BAG4: variants seen among roughly 807,000 people sequenced by gnomAD.
The protein encoded by BAG4 is BAG family molecular chaperone regulator 4.
A neutral mutation model predicts 52.1 loss-of-function variants in BAG4; 28 were observed. The observed-to-expected ratio is 0.54, with a 90% CI of 0.40 to 0.74. BAG4 has a LOEUF of 0.74. BAG4 is among the 30% of genes least tolerant of loss of function. The probability of loss-of-function intolerance (pLI) is 0.00; values close to 1 mark genes in which losing one functional copy is unlikely to be tolerated. For missense variants in BAG4, 525 were observed against 572.0 expected, an observed-to-expected ratio of 0.92 and a Z score of 0.84; for synonymous variants, 208 against 217.0, an observed-to-expected ratio of 0.96 and a Z score of 0.37.
intron 1 of BAG4, among the ~76,000 whole-genome samples, chr8:38,183,689 T>C (rs926771836): frequency 6.6e-6 from 1 of 152,152 alleles, no homozygotes; most frequent in Non-Finnish European, 1.5e-5. Context: ...GATTTTTTTT[T>C]TCTTTTTCTT....
intron 3 of BAG4, 81 bp from the exon 4 acceptor site, chr8:38,208,932 C>A: frequency 6.9e-7 from 1 of 1,459,408 alleles, no homozygotes; most frequent in Non-Finnish European, 9.3e-7. Flanking sequence ...AGAGAGGAAG[C>A]ATCTCAGAAT....
At chr8:38,206,993 C>T (rs534197394) in intron 2 of BAG4, among the ~76,000 whole-genome samples, 1 of 150,468 alleles carries the variant, frequency 6.6e-6, no homozygotes, top group South Asian at 2.1e-4. Context: ...ACTCTTGTCC[C>T]CCAGGCTGGA....
intron 1 of BAG4, among the ~76,000 whole-genome samples, chr8:38,184,537 G>A (rs1054147152): frequency 6.6e-6 from 1 of 152,028 alleles, no homozygotes; most frequent in African/African-American, 2.4e-5. Context: ...TGGAAGAGTG[G>A]CCAGGAGGTG....
rs372784467 is a variant in BAG4 at position 38,212,079 on chromosome 8, T to C, written c.*1586T>C. 4.9e-4 allele frequency: 74 copies of C among 152,138 alleles called. No individual in the cohort carries two copies. Among genetic ancestry groups the C allele is most frequent in the African/African-American group, 1.7e-3 (71 of 41,520 alleles). The allele number at this position is 152,138 out of a possible 1,614,324, so 9.4% of individuals were successfully genotyped here. A position where few individuals can be genotyped will look rare whatever the true frequency, so the allele number is the denominator to read the frequency against. On this transcript the variant is annotated 3_prime_UTR_variant, in exon 5 of 5. Transcript: ENST00000287322. ...GGCTGGGTCTTATGATTGGGATGAG[T>C]GATTTTATAAGATAATATGGTGATA...
At chr8:38,188,761 C>T (rs1233672734) in intron 1 of BAG4, among the ~76,000 whole-genome samples, 2 of 150,930 alleles carry the variant, frequency 1.3e-5, no homozygotes, top group African/African-American at 4.9e-5. Flanking sequence ...GGAGTGGCTA[C>T]TTTAATATCA....
Position 38,210,074 on chromosome 8 carries a change from C to G in BAG4, c.955C>G (p.His319Asp). The change falls in exon 5 of 5, where the codon CAT (histidine) becomes GAT (aspartate). Residue 319 changes from histidine (H) to aspartate (D), a missense_variant. Physicochemically the swap from His to Asp is moderately conservative, Grantham distance 81. Transcript: ENST00000287322. ...CCGGCACAACTTTCCTTGCAGTGTCCATCAGTACGAATCCTCGGGGACAGT... is the reference window on the plus strand; with the variant it reads ...CCGGCACAACTTTCCTTGCAGTGTCGATCAGTACGAATCCTCGGGGACAGT... Reference protein sequence around the residue: ...MNRHNFPCSVHQYESSGTVNN... With the variant: ...MNRHNFPCSVDQYESSGTVNN... The G allele has an allele frequency of 1.9e-6, 3 of 1,614,098 alleles. No homozygotes were observed. Among genetic ancestry groups the G allele is most frequent in the Non-Finnish European group, 2.5e-6 (3 of 1,180,014 alleles).
At chr8:38,195,941 A>G (rs1470982960) in intron 2 of BAG4, among the ~76,000 whole-genome samples, 6 of 152,114 alleles carry the variant, frequency 3.9e-5, no homozygotes, top group African/African-American at 1.4e-4. Context: ...GGCAACCTGT[A>G]ATCTACTTTT....
chr8:38,183,856 C>T (rs546600861), intron 1 of BAG4, among the ~76,000 whole-genome samples: 1 of 152,138 alleles, frequency 6.6e-6, no homozygotes, highest in African/African-American at 2.4e-5. Context: ...TCCTTGATTT[C>T]TGGTACAACA....
At chr8:38,186,477 C>CA (rs376066793) in intron 1 of BAG4, among the ~76,000 whole-genome samples, 1 of 151,938 alleles carries the variant, frequency 6.6e-6, no homozygotes, top group South Asian at 2.1e-4. Context: ...TGGAGAAAGT[C>CA]AAAAAAACTG....
chr8:38,197,328 T>A (rs1803578412), intron 2 of BAG4, among the ~76,000 whole-genome samples: 1 of 152,238 alleles, frequency 6.6e-6, no homozygotes, highest in Non-Finnish European at 1.5e-5. Context: ...TGGTATAGCC[T>A]ATGGCTTCTA....
rs2130693217 is a variant in BAG4, at chr8:38,209,144, T to C, written c.765T>C (p.Tyr255=). The C allele has an allele frequency of 1.1e-5, 17 of 1,614,136 alleles. No homozygotes were observed. Among genetic ancestry groups the C allele is most frequent in the Non-Finnish European group, 1.4e-5 (16 of 1,180,028 alleles). ...SPGAYGMGGR[Y]PWPSSAPSAP... is the part of the protein sequence containing the mutation. Reference sequence around the variant, plus strand: ...GTGCTTATGGAATGGGTGGCCGTTATCCCTGGCCTTCATCAGCGCCCTCAG... The same window carrying C: ...GTGCTTATGGAATGGGTGGCCGTTACCCCTGGCCTTCATCAGCGCCCTCAG... Residue 255 remains tyrosine (Y), a synonymous_variant, in exon 4 of 5, where the codon TAT becomes TAC. Transcript: ENST00000287322.
intron 1 of BAG4, among the ~76,000 whole-genome samples, chr8:38,189,878 C>T (rs943015739): frequency 2.0e-5 from 3 of 152,058 alleles, no homozygotes; most frequent in South Asian, 2.1e-4. Flanking sequence ...AGTGCAGTGG[C>T]GTGATCTAGG....
chr8:38,176,897 G>A lies in BAG4; in HGVS notation c.28G>A (p.Gly10Ser). 2 of 1,545,620 alleles carry A rather than the reference G, an allele frequency of 1.3e-6. No individual in the cohort carries two copies. Among genetic ancestry groups the A allele is most frequent in the Non-Finnish European group, 1.7e-6 (2 of 1,145,014 alleles). ...GTCGGCCCTGAGGCGCTCGGGCTAC[G>A]GCCCCAGTGACGGTCCGTCCTACGG... MSALRRSGY[G>S]PSDGPSYGRY... Residue 10 changes from glycine (G) to serine (S), a missense_variant, in exon 1 of 5, where the codon GGC (glycine) becomes AGC (serine). Around this residue, in one of 2 missense-constraint regions of BAG4, gnomAD observed 287 missense variants for 266.1 expected, o/e 1.08. Transcript: ENST00000287322.
rs758224495 is a variant in BAG4 at position 38,211,202 on chromosome 8, C to CTTTTT, written c.*727_*731dup. On this transcript the variant is annotated 3_prime_UTR_variant, in exon 5 of 5. Transcript: ENST00000287322. ...ATCATTAGGTTAGAGTTTTTTTCTT[C>CTTTTT]TTTTTTTTTTTTTTTTTTTTTTACC... 26 of 93,656 alleles carry CTTTTT rather than the reference C, an allele frequency of 2.8e-4. No individual in the cohort carries two copies. Among genetic ancestry groups the CTTTTT allele is most frequent in the East Asian group, 6.1e-4 (2 of 3,262 alleles). The allele number at this position is 93,656 out of a possible 1,614,324, so 5.8% of individuals were successfully genotyped here.
intron 1 of BAG4, among the ~76,000 whole-genome samples, chr8:38,187,866 CAAAAAA>C (rs35690753): frequency 1.8e-4 from 10 of 56,074 alleles, no homozygotes; most frequent in East Asian, 9.7e-4. Context: ...ACTAAAAATA[CAAAAAA>C]AAAAAAAAAA....
Position 38,188,892 on chromosome 8 carries a change from C to G in BAG4, c.271-3796C>G, listed in dbSNP as rs570058430. On this transcript the variant is annotated intron_variant, in intron 1 of 4. Transcript: ENST00000287322. ...CACTGCAACCTCCGCCTCCCAGGTT[C>G]AAGCAATTTTCCTGCCTCAACCTCC... 1.3e-4 allele frequency among the ~76,000 whole-genome samples: 19 copies of G among 151,450 alleles called. No homozygotes were observed. In the East Asian group the frequency reaches 3.5e-3, roughly 28 times the overall value.
At position 38,208,995 on chromosome 8, in the gene BAG4, T is replaced by G. The variant is rs1803822499; in HGVS notation, c.634-18T>G. The stretch of plus-strand genomic sequence containing the variant: ...AAGTTTTTCACAATGACTGGTATAT[T>G]TCTTCTTCTCAATCTAGAACCCTGG... On this transcript the variant is annotated intron_variant, in intron 3 of 4. Coordinates refer to ENST00000287322, the MANE Select transcript of BAG4 (RefSeq NM_004874.4). 6.2e-7 allele frequency: 1 copy of G among 1,601,448 alleles called. No individual in the cohort carries two copies. The highest frequency in any genetic ancestry group is 1.1e-5 in the South Asian group (1 of 89,990).
At chr8:38,197,788 C>A (rs769234406) in intron 2 of BAG4, among the ~76,000 whole-genome samples, 4 of 152,264 alleles carry the variant, frequency 2.6e-5, no homozygotes, top group Admixed American at 1.3e-4. Context: ...CAACCTCCAT[C>A]TCCTGGGTTC....
At chr8:38,188,310 A>G (rs1803402604) in intron 1 of BAG4, among the ~76,000 whole-genome samples, 1 of 85,686 alleles carries the variant, frequency 1.2e-5, no homozygotes, top group South Asian at 2.8e-4. Flanking sequence ...AGACTGGATT[A>G]AAAAAAAAAC....
Sources: gnomAD v4.1 joint callset for allele counts (sites outside exome capture counted in the v4.1 genomes callset) on GRCh38, gnomAD v4.1.1 for gene constraint, gnomAD v4.1.1 regional missense constraint, MANE v1.5 for transcripts, NCBI Gene and HGNC (gene_info 2026-07-23, HGNC 2026-07-21) for gene names.